The following CCDC33 variants were observed in gnomAD, a reference collection of about 807,000 sequenced individuals.
The protein encoded by CCDC33 is coiled-coil domain containing 33.
A neutral mutation model predicts 91.9 loss-of-function variants in CCDC33; 94 were observed. The observed-to-expected ratio is 1.02, with a 90% CI of 0.87 to 1.21. The LOEUF (loss-of-function observed/expected upper bound fraction) is 1.21. Among genes scored for constraint, CCDC33 ranks in the 50% most tolerant of loss-of-function variants. CCDC33 has a pLI of 0.00. For missense variants in CCDC33, 940 were observed against 935.5 expected, an observed-to-expected ratio of 1.00 and a Z score of -0.06; for synonymous variants, 396 against 374.5, an observed-to-expected ratio of 1.06 and a Z score of -0.66.
At chr15:74,223,657 C>G (rs1218603998) in intron 2 of CCDC33, among the ~76,000 whole-genome samples, 1 of 150,792 alleles carries the variant, frequency 6.6e-6, no homozygotes, top group Non-Finnish European at 1.5e-5. Context: ...CTCTGGGCCT[C>G]AGGCCCGAGC....
At chr15:74,204,969 C>T (rs1397603168) in intron 1 of CCDC33, among the ~76,000 whole-genome samples, 1 of 151,800 alleles carries the variant, frequency 6.6e-6, no homozygotes, top group African/African-American at 2.4e-5. Flanking sequence ...AAGAAACCAT[C>T]CTCTTCCTTG....
chr15:74,280,632 C>T (rs1180511492), intron 8 of CCDC33, 36 bp from the exon 9 acceptor site: 7 of 1,433,398 alleles, frequency 4.9e-6, no homozygotes, highest in Non-Finnish European at 6.4e-6. Flanking sequence ...GAGGTGGGGG[C>T]TTTGGCAGGA....
chr15:74,322,507 G>T (rs1240243340), intron 11 of CCDC33, among the ~76,000 whole-genome samples: 1 of 152,208 alleles, frequency 6.6e-6, no homozygotes, highest in Non-Finnish European at 1.5e-5. Context: ...GAGGCCCCAG[G>T]TTCAAGATTC....
chr15:74,218,869 C>G lies in CCDC33; in HGVS notation c.675+8C>G. The G allele has an allele frequency of 8.2e-7, 1 of 1,216,140 alleles. No individual in the cohort carries two copies. Among genetic ancestry groups the G allele is most frequent in the Non-Finnish European group, 1.0e-6 (1 of 954,456 alleles). 75.3% of individuals were successfully genotyped at this position (1,216,140 alleles called of 1,614,324 possible). A position where few individuals can be genotyped will look rare whatever the true frequency, so the allele number is the denominator to read the frequency against. On this transcript the variant is annotated splice_region_variant and intron_variant, in intron 2 of 2. Coordinates refer to the CCDC33 transcript ENST00000635913. The surrounding 1 kb of genome is among the most constrained non-coding windows in gnomAD (Gnocchi z 4.8). ...CAGCTCCCCATACTGCAGGTGGGTG[C>G]TTCCCTGGTCCCAGTTCAGGTTCTG...
intron 3 of CCDC33, among the ~76,000 whole-genome samples, chr15:74,264,799 C>G (rs1376748162): frequency 1.3e-5 from 2 of 152,208 alleles, no homozygotes; most frequent in African/African-American, 4.8e-5. Flanking sequence ...TACAACAACC[C>G]AAGGGGAGAG....
chr15:74,275,722 C>T (rs1478999395), intron 7 of CCDC33, among the ~76,000 whole-genome samples: 2 of 152,052 alleles, frequency 1.3e-5, no homozygotes, highest in African/African-American at 4.8e-5. Context: ...GGCTGGAGTG[C>T]AGTGGCGCAA....
At chr15:74,206,489 C>T (rs1351672111) in intron 1 of CCDC33, among the ~76,000 whole-genome samples, 1 of 152,204 alleles carries the variant, frequency 6.6e-6, no homozygotes, top group Non-Finnish European at 1.5e-5. Context: ...TGATGTGCCC[C>T]TGAAGAATTT....
intron 2 of CCDC33, among the ~76,000 whole-genome samples, chr15:74,261,659 GA>G (rs2076027328): frequency 6.6e-6 from 1 of 152,208 alleles, no homozygotes; most frequent in African/African-American, 2.4e-5. Flanking sequence ...CTCTTCTACA[GA>G]AGAAGTATTC....
intron 11 of CCDC33, chr15:74,318,465 G>A: frequency 3.8e-6 from 2 of 530,272 alleles, no homozygotes; most frequent in Non-Finnish European, 3.4e-6. Context: ...CTGGAACAAA[G>A]GGGAAGTGGC....
chr15:74,321,391 A>G (rs910647280), intron 11 of CCDC33, among the ~76,000 whole-genome samples: 4 of 150,136 alleles, frequency 2.7e-5, no homozygotes, highest in Admixed American at 2.6e-4. Flanking sequence ...CATCCTCCCA[A>G]GTAGCTGGGA....
In CCDC33 at chr15:74,218,666, G is replaced by A. The variant is rs760134522; in HGVS notation, c.480G>A (p.Leu160=). 3 of 1,289,876 alleles carry A rather than the reference G, an allele frequency of 2.3e-6. No individual in the cohort carries two copies. Among genetic ancestry groups the A allele is most frequent in the South Asian group, 2.5e-5 (2 of 81,024 alleles). The allele number at this position is 1,289,876 out of a possible 1,614,324, so 79.9% of individuals were successfully genotyped here. A position where few individuals can be genotyped will look rare whatever the true frequency, so the allele number is the denominator to read the frequency against. The change falls in exon 2 of 3, where the codon CTG becomes CTA. Residue 160 remains leucine (L), a synonymous_variant. Coordinates refer to the CCDC33 transcript ENST00000635913. This position sits in a 1 kb window ranked among gnomAD's most constrained non-coding sequence, Gnocchi z 4.8. Reference sequence around the variant, plus strand: ...CAAAGGCTCAGGATCACGAGGACCTGTACCGCTACTGTGGCAACCTGGCTC... The same window carrying A: ...CAAAGGCTCAGGATCACGAGGACCTATACCGCTACTGTGGCAACCTGGCTC...
intron 1 of CCDC33, chr15:74,209,021 T>A: frequency 9.1e-7 from 1 of 1,102,990 alleles, no homozygotes; most frequent in Non-Finnish European, 1.1e-6. Context: ...CTTTAAAAGG[T>A]GTTTGATCTG....
In CCDC33 at chr15:74,243,604, C is replaced by T. The variant is rs560007046; in HGVS notation, c.22-381C>T. 346 of 455,340 alleles carry T rather than the reference C, an allele frequency of 7.6e-4. 3 individuals carry two copies. Among genetic ancestry groups the T allele is most frequent in the South Asian group, 5.2e-3 (334 of 64,438 alleles). The allele number at this position is 455,340 out of a possible 1,614,324, so 28.2% of individuals were successfully genotyped here. A position where few individuals can be genotyped will look rare whatever the true frequency, so the allele number is the denominator to read the frequency against. On this transcript the variant is annotated intron_variant, in intron 1 of 18. Transcript: ENST00000398814. ...GTGACAGAGGGAGGCAGGCACTTGA[C>T]GGAAGCTGTGAGTGGCTAGTGCTAG...
At chr15:74,272,647 G>A (rs187809868) in intron 6 of CCDC33, 124 bp from the exon 7 acceptor site, 207 of 1,334,556 alleles carry the variant, frequency 1.6e-4, no homozygotes, top group Admixed American at 2.8e-4. Flanking sequence ...GTCCAGGCCC[G>A]AACTCGGCGG....
At chr15:74,221,854 A>T (rs1046776832) in intron 2 of CCDC33, among the ~76,000 whole-genome samples, 6 of 151,548 alleles carry the variant, frequency 4.0e-5, no homozygotes, top group African/African-American at 1.5e-4. Flanking sequence ...CACTCGTCCC[A>T]CCCCCTCAGC....
chr15:74,249,356 C>T (rs1481155161), intron 2 of CCDC33, among the ~76,000 whole-genome samples: 4 of 151,854 alleles, frequency 2.6e-5, no homozygotes, highest in Non-Finnish European at 4.4e-5. Context: ...GGTGTGGTGG[C>T]GGGTGCCTGT....
At chr15:74,282,557 G>A (rs1226550221) in intron 10 of CCDC33, among the ~76,000 whole-genome samples, 2 of 152,244 alleles carry the variant, frequency 1.3e-5, no homozygotes, top group East Asian at 3.8e-4. Context: ...AGGGGCTGGT[G>A]TGATAAGGTC....
intron 11 of CCDC33, chr15:74,300,567 C>T (rs2059774652): frequency 6.6e-6 from 1 of 152,398 alleles, no homozygotes; most frequent in Middle Eastern, 3.4e-3. Context: ...CTCTTGGCCT[C>T]CCCTGATTTC....
intron 2 of CCDC33, among the ~76,000 whole-genome samples, chr15:74,251,075 C>T (rs2075693408): frequency 6.6e-6 from 1 of 152,248 alleles, no homozygotes; most frequent in African/African-American, 2.4e-5. Context: ...CCAGTCCTTG[C>T]CTTCTCTGAG....
Sources: allele counts gnomAD v4.1 joint callset (sites outside exome capture counted in the v4.1 genomes callset), GRCh38; gene constraint gnomAD v4.1.1; non-coding constraint Gnocchi (gnomAD v3.1); transcripts MANE v1.5; gene names NCBI Gene and HGNC (gene_info 2026-07-23, HGNC 2026-07-21).